Variants in MALAT1 observed in about 807,000 individuals in gnomAD.
MALAT1 encodes hepcarcin.
intron 2 of MALAT1, chr11:65,498,839 C>T (rs770828323): frequency 1.9e-6 from 1 of 518,470 alleles, no homozygotes; most frequent in African/African-American, 1.9e-5. Context: ...TCTTTCCACA[C>T]GCTAGTAATT....
exon 3 of MALAT1, chr11:65,499,957 A>G: frequency 2.3e-6 from 1 of 430,554 alleles, no homozygotes; most frequent in Non-Finnish European, 4.5e-6. Flanking sequence ...GAAAAATATA[A>G]AGCCAAAAAT....
intron 3 of MALAT1, chr11:65,505,717 A>C (rs778151681): frequency 3.9e-6 from 2 of 519,012 alleles, no homozygotes; most frequent in South Asian, 2.8e-5. Flanking sequence ...AAAGGCCATT[A>C]ATTTGCCTGC....
At chr11:65,504,658 A>G (rs1854636437) in intron 3 of MALAT1, 1 of 518,940 alleles carries the variant, frequency 1.9e-6, no homozygotes, top group Middle Eastern at 3.2e-4. Flanking sequence ...TCTTTTCCAG[A>G]TGCAACCTTA....
intron 3 of MALAT1, chr11:65,505,689 G>A (rs539269412): frequency 5.8e-6 from 3 of 518,970 alleles, no homozygotes; most frequent in African/African-American, 3.8e-5. Context: ...GGTCTTTGGT[G>A]GGTTGAACTA....
At chr11:65,500,619 C>T (rs1282114571) in exon 3 of MALAT1, 3 of 518,702 alleles carry the variant, frequency 5.8e-6, no homozygotes, top group African/African-American at 1.9e-5. Flanking sequence ...AAAAGGATTC[C>T]AGGAAGGAGC....
exon 3 of MALAT1, chr11:65,502,657 T>C: frequency 2.1e-6 from 1 of 484,842 alleles, no homozygotes; most frequent in Non-Finnish European, 4.0e-6. Flanking sequence ...GATAACATCT[T>C]CTGAGTCATA....
intron 3 of MALAT1, chr11:65,503,998 T>C (rs1854615431): frequency 1.9e-6 from 1 of 516,936 alleles, no homozygotes; most frequent in African/African-American, 1.9e-5. Flanking sequence ...AGTAATACTT[T>C]TTCACATTTC....
intron 1 of MALAT1, chr11:65,498,081 C>A (rs780830989): frequency 1.9e-6 from 1 of 518,804 alleles, no homozygotes. Flanking sequence ...GAAGCTCATA[C>A]CTAACCAGGC....
chr11:65,501,852 A>G (rs1360119798), exon 3 of MALAT1: 2 of 517,436 alleles, frequency 3.9e-6, no homozygotes, highest in African/African-American at 1.9e-5. Flanking sequence ...GGGAGGGGCA[A>G]ATATTGGCAA....
exon 3 of MALAT1, chr11:65,501,272 C>T (rs757199587): frequency 2.5e-5 from 13 of 516,064 alleles, no homozygotes; most frequent in South Asian, 1.3e-4. Context: ...GTTCTTTTTC[C>T]CTTAGGTCTG....
At chr11:65,499,049 A>T in exon 3 of MALAT1, 1 of 518,186 alleles carries the variant, frequency 1.9e-6, no homozygotes, top group South Asian at 1.4e-5. Context: ...TGCGGTAGGC[A>T]TTGAGGCAGC....
chr11:65,499,085 G>T (rs756963857), exon 3 of MALAT1: 13 of 518,204 alleles, frequency 2.5e-5, no homozygotes, highest in African/African-American at 3.9e-5. Context: ...TGCTGAGGGG[G>T]CAGGCGGAGC....
exon 3 of MALAT1, chr11:65,503,313 G>A (rs1361380703): frequency 5.8e-6 from 3 of 518,424 alleles, no homozygotes; most frequent in Admixed American, 3.9e-5. Context: ...GGGGATTTCA[G>A]GATTGAGAAA....
exon 3 of MALAT1, chr11:65,500,440 A>C: frequency 1.9e-6 from 1 of 519,032 alleles, no homozygotes; most frequent in Non-Finnish European, 3.8e-6. Flanking sequence ...GGAAGACAGC[A>C]GCAGACAGGA....
chr11:65,502,359 G>A (rs1854569253), exon 3 of MALAT1: 1 of 512,104 alleles, frequency 2.0e-6, no homozygotes, highest in African/African-American at 1.9e-5. Flanking sequence ...TGATCCTGAA[G>A]GGATTTCTTC....
chr11:65,501,646 G>C (rs748785399), exon 3 of MALAT1: 1 of 519,018 alleles, frequency 1.9e-6, no homozygotes, highest in Non-Finnish European at 3.8e-6. Context: ...CCGCTGTGCT[G>C]TTGGCACGAA....
At chr11:65,500,452 T>G (rs368146623) in exon 3 of MALAT1, 10 of 518,836 alleles carry the variant, frequency 1.9e-5, no homozygotes, top group Non-Finnish European at 3.8e-5. Context: ...CAGACAGGAT[T>G]CCAGGAACCA....
exon 3 of MALAT1, chr11:65,503,307 A>AT (rs1406685780): frequency 1.9e-6 from 1 of 518,218 alleles, no homozygotes; most frequent in African/African-American, 1.9e-5. Context: ...TCCCTAGGGG[A>AT]TTTCAGGATT....
exon 3 of MALAT1, chr11:65,500,898 T>A: frequency 1.9e-6 from 1 of 515,930 alleles, no homozygotes; most frequent in Non-Finnish European, 3.9e-6. Context: ...TAGGCCGATT[T>A]CCGGGTGTTG....
Sources: allele counts gnomAD v4.1 joint callset, GRCh38; gene constraint gnomAD v4.1.1; transcripts MANE v1.5; gene names NCBI Gene and HGNC (gene_info 2026-07-23, HGNC 2026-07-21).